The following ZNF268 variants were observed in gnomAD, a reference collection of about 807,000 sequenced individuals.
The protein encoded by ZNF268 is zinc finger protein 268.
In ZNF268, 20 loss-of-function variants were observed where a neutral mutation model predicts 29.3. That is an observed-to-expected ratio of 0.68 (90% CI 0.48 to 0.99). ZNF268 has a LOEUF of 0.99. Among genes scored for constraint, ZNF268 ranks in the 50% least tolerant of loss-of-function variants. The pLI is 0.00. For missense variants in ZNF268, 1,240 were observed against 1,121.6 expected (o/e 1.11, Z -1.51); for synonymous variants, 429 against 376.9 (o/e 1.14, Z -1.60).
In ZNF268 at chr12:133,203,269, A is replaced by G. The variant is rs912456700; in HGVS notation, c.1583A>G (p.His528Arg). 1 of 1,538,692 alleles carries G rather than the reference A, an allele frequency of 6.5e-7. No individual in the cohort carries two copies. The highest frequency in any genetic ancestry group is 1.4e-5 in the African/African-American group (1 of 73,012). ...HTRTHTGEKL[H>R]ECNNCGKAFS... ...AGGACTCATACAGGAGAAAAACTCC[A>G]TGAATGCAACAATTGTGGGAAAGCC... The change falls in exon 6 of 6, where the codon CAT becomes CGT. Residue 528 changes from histidine to arginine, a missense_variant. Physicochemically the swap from His to Arg is conservative, Grantham distance 29 (BLOSUM62 0). Coordinates refer to ENST00000536435, the MANE Select transcript of ZNF268 (RefSeq NM_003415.3).
Position 133,187,881 on chromosome 12 carries a change from C to A in ZNF268, c.43C>A (p.Leu15Ile). ...VRTASIWVPP[L>I]QERNSSWDRI... ...GCTCTTGAGTCCACAGGTCCCACCT[C>A]TCCAAGAACGAAACAGTTCATGGGA... Residue 15 changes from leucine to isoleucine, a missense_variant, in exon 3 of 6, where the codon CTC becomes ATC. Leu to Ile is a conservative substitution (Grantham distance 5). Coordinates refer to ENST00000536435, the MANE Select transcript of ZNF268 (RefSeq NM_003415.3). 1 of 1,593,158 alleles carries A rather than the reference C, an allele frequency of 6.3e-7. No homozygotes were observed. The highest frequency in any genetic ancestry group is 2.3e-5 in the East Asian group (1 of 44,200).
Position 133,202,690 on chromosome 12 carries a change from G to T in ZNF268, c.1004G>T (p.Ser335Ile), listed in dbSNP as rs1378805684. 1 of 1,609,962 alleles carries T rather than the reference G, an allele frequency of 6.2e-7. No homozygotes were observed. The highest frequency in any genetic ancestry group is 1.3e-5 in the African/African-American group (1 of 74,896). The change falls in exon 6 of 6, where the codon AGT becomes ATT. Residue 335 changes from serine (S) to isoleucine (I), a missense_variant. Transcript: ENST00000536435. ...ACAGGAGAGAAACTACATGAATGCA[G>T]TGAATGCAGGAAAACATTCAGTTTC... Reference protein sequence around the residue: ...IHTGEKLHECSECRKTFSFHS... With the variant: ...IHTGEKLHECIECRKTFSFHS...
In ZNF268 at chr12:133,210,639, GCC is replaced by G; in HGVS notation, c.*6111_*6112del. 2.9e-6 allele frequency: 1 copy of G among 349,846 alleles called. No homozygotes were observed. Among genetic ancestry groups the G allele is most frequent in the Admixed American group, 3.7e-5 (1 of 26,704 alleles). 21.7% of individuals were successfully genotyped at this position (349,846 alleles called of 1,614,324 possible). A position where few individuals can be genotyped will look rare whatever the true frequency, so the allele number is the denominator to read the frequency against. ...TAAATTCTGGTCATCACTGTGAAGT[GCC>G]CTCGGGGGTCTCCGGGTCCTGAGTA... On this transcript the variant is annotated 3_prime_UTR_variant, in exon 6 of 6. Transcript: ENST00000536435.
Position 133,203,397 on chromosome 12 carries a change from C to T in ZNF268, c.1711C>T (p.Leu571Phe). The T allele has an allele frequency of 6.5e-7, 1 of 1,546,466 alleles. No individual in the cohort carries two copies. Among genetic ancestry groups the T allele is most frequent in the Non-Finnish European group, 8.7e-7 (1 of 1,150,438 alleles). ...GAAAGCCTTCAGTCGGAAATACCAG[C>T]TTATTTCACACCAGAGAACTCATGC... ...CGKAFSRKYQ[L>F]ISHQRTHAGE... is the part of the protein sequence containing the mutation. Residue 571 changes from leucine (L) to phenylalanine (F), a missense_variant, in exon 6 of 6, where the codon CTT becomes TTT. Physicochemically the swap from Leu to Phe is conservative, Grantham distance 22. Around this residue, in one of 3 missense-constraint regions of ZNF268, gnomAD observed 1,177 missense variants for 1,039.6 expected, o/e 1.13. Transcript: ENST00000536435.
Position 133,204,489 on chromosome 12 carries a change from C to T in ZNF268, c.2803C>T (p.Leu935Phe). ...CGKAFCWKSQ[L>F]IMHQRTHVDD... The stretch of plus-strand genomic sequence containing the variant: ...GAAAGCCTTTTGTTGGAAGTCACAG[C>T]TCATTATGCATCAGAGAACTCATGT... Residue 935 changes from leucine to phenylalanine, a missense_variant, in exon 6 of 6, where the codon CTC becomes TTC. Around this residue, in one of 3 missense-constraint regions of ZNF268, gnomAD observed 1,177 missense variants for 1,039.6 expected, o/e 1.13. Transcript: ENST00000536435. 6.5e-7 allele frequency: 1 copy of T among 1,537,658 alleles called. No homozygotes were observed. Among genetic ancestry groups the T allele is most frequent in the Non-Finnish European group, 8.7e-7 (1 of 1,147,904 alleles).
intron 5 of ZNF268, among the ~76,000 whole-genome samples, chr12:133,196,597 A>G (rs1404667758): frequency 2.6e-5 from 4 of 152,196 alleles, no homozygotes; most frequent in African/African-American, 9.6e-5. Flanking sequence ...TTCAGTATCC[A>G]TGAACTATGA....
At position 133,204,133 on chromosome 12, in the gene ZNF268, C is replaced by A; in HGVS notation, c.2447C>A (p.Ala816Asp). The change falls in exon 6 of 6, where the codon GCC becomes GAC. Residue 816 changes from alanine (A) to aspartate (D), a missense_variant. Physicochemically the swap from Ala to Asp is moderately radical, Grantham distance 126. This residue lies in a region of ZNF268 where 1,177 missense variants were observed against 1,039.6 expected (regional missense o/e 1.13). Coordinates refer to ENST00000536435, the MANE Select transcript of ZNF268 (RefSeq NM_003415.3). ...KPYECNECGK[A>D]FIWKSLLIVH... Reference sequence around the variant, plus strand: ...TATGAATGTAATGAATGTGGGAAAGCCTTCATTTGGAAATCACTACTCATT... The same window carrying A: ...TATGAATGTAATGAATGTGGGAAAGACTTCATTTGGAAATCACTACTCATT... The A allele has an allele frequency of 3.9e-6, 6 of 1,543,942 alleles. No homozygotes were observed. The highest frequency in any genetic ancestry group is 3.6e-5 in the South Asian group (3 of 84,212).
In ZNF268 at chr12:133,204,453, A is replaced by G. The variant is rs1956848540; in HGVS notation, c.2767A>G (p.Thr923Ala). The change falls in exon 6 of 6, where the codon ACT (threonine) becomes GCT (alanine). Residue 923 changes from threonine to alanine, a missense_variant. Thr to Ala is a moderately conservative substitution (Grantham distance 58). Around this residue, in one of 3 missense-constraint regions of ZNF268, gnomAD observed 1,177 missense variants for 1,039.6 expected, o/e 1.13. Transcript: ENST00000536435. ...THTGEKPCKCTECGKAFCWKS... is the reference protein window; with the variant it reads ...THTGEKPCKCAECGKAFCWKS... ...TACAGGAGAGAAGCCTTGTAAGTGC[A>G]CTGAATGTGGGAAAGCCTTTTGTTG... 1 of 1,557,982 alleles carries G rather than the reference A, an allele frequency of 6.4e-7. No individual in the cohort carries two copies. Among genetic ancestry groups the G allele is most frequent in the Non-Finnish European group, 8.6e-7 (1 of 1,157,368 alleles).
intron 3 of ZNF268, among the ~76,000 whole-genome samples, chr12:133,188,766 T>G (rs371603695): frequency 6.6e-6 from 1 of 152,220 alleles, no homozygotes; most frequent in East Asian, 1.9e-4. Flanking sequence ...TTCATGCACA[T>G]TAAAGTTTAA....
chr12:133,184,007 T>C (rs1328454517), intron 2 of ZNF268, among the ~76,000 whole-genome samples: 1 of 152,252 alleles, frequency 6.6e-6, no homozygotes, highest in African/African-American at 2.4e-5. Flanking sequence ...TATCACAGAC[T>C]GAGGAACTTA....
Position 133,212,950 on chromosome 12 carries a change from A to G in ZNF268, c.*8420A>G, listed in dbSNP as rs1185168896. On this transcript the variant is annotated 3_prime_UTR_variant, in exon 6 of 6. Coordinates refer to ENST00000536435, the MANE Select transcript of ZNF268 (RefSeq NM_003415.3). ...CTGCAACCTCCGCCTCCTAGGTTTAAGTGATTCTCCTTCCTCGGCCTCCTG... is the reference window on the plus strand; with the variant it reads ...CTGCAACCTCCGCCTCCTAGGTTTAGGTGATTCTCCTTCCTCGGCCTCCTG... The G allele has an allele frequency of 6.6e-6, 1 of 152,204 alleles. No individual in the cohort carries two copies. The highest frequency in any genetic ancestry group is 1.5e-5 in the Non-Finnish European group (1 of 68,050). 9.4% of individuals were successfully genotyped at this position (152,204 alleles called of 1,614,324 possible). A position where few individuals can be genotyped will look rare whatever the true frequency, so the allele number is the denominator to read the frequency against.
chr12:133,188,430 C>G (rs895164261), intron 3 of ZNF268, among the ~76,000 whole-genome samples: 1 of 152,166 alleles, frequency 6.6e-6, no homozygotes, highest in African/African-American at 2.4e-5. Context: ...CTCCTAAGCT[C>G]AAGCAGTCCT....
rs1437571463 is a variant in ZNF268, at chr12:133,207,928, C to A, written c.*3398C>A. Reference sequence around the variant, plus strand: ...ATAAATCACTTGATGGAATTTAACACCCATAGATGACACTAAAATACTATT... The same window carrying A: ...ATAAATCACTTGATGGAATTTAACAACCATAGATGACACTAAAATACTATT... On this transcript the variant is annotated 3_prime_UTR_variant, in exon 6 of 6. Coordinates refer to ENST00000536435, the MANE Select transcript of ZNF268 (RefSeq NM_003415.3). 6.6e-6 allele frequency: 1 copy of A among 152,120 alleles called. No individual in the cohort carries two copies. The highest frequency in any genetic ancestry group is 1.5e-5 in the Non-Finnish European group (1 of 68,024). 9.4% of individuals were successfully genotyped at this position (152,120 alleles called of 1,614,324 possible).
chr12:133,214,699 A>C lies in ZNF268; in HGVS notation c.*10169A>C, dbSNP rs36154185. ...ATGGAGGATTTCCTTTGGGGTGATG[A>C]AACTATTTTGGAACTAAGAGGTGGT... On this transcript the variant is annotated 3_prime_UTR_variant, in exon 6 of 6. Coordinates refer to ENST00000536435, the MANE Select transcript of ZNF268 (RefSeq NM_003415.3). 99,508 of 152,058 alleles carry C rather than the reference A, an allele frequency of 0.65. 32,989 individuals carry two copies. Among genetic ancestry groups the C allele is most frequent in the East Asian group, 0.91 (4,721 of 5,172 alleles). The allele number at this position is 152,058 out of a possible 1,614,324, so 9.4% of individuals were successfully genotyped here.
intron 5 of ZNF268, chr12:133,193,317 T>G (rs944640419): frequency 1.9e-6 from 1 of 513,760 alleles, no homozygotes. Flanking sequence ...TGGGTGATAG[T>G]GAGATCTCAT....
Position 133,202,254 on chromosome 12 carries a change from C to T in ZNF268, c.568C>T (p.Leu190Phe), listed in dbSNP as rs1347679973. 7 of 1,612,300 alleles carry T rather than the reference C, an allele frequency of 4.3e-6. No individual in the cohort carries two copies. The highest frequency in any genetic ancestry group is 5.9e-6 in the Non-Finnish European group (7 of 1,179,196). Residue 190 changes from leucine to phenylalanine, a missense_variant, in exon 6 of 6, where the codon CTT (leucine) becomes TTT (phenylalanine). Transcript: ENST00000536435. ...CACTACATTTGGAAAACTATGTCTT[C>T]TTAGTACAAAGTATCTTTCAAGACA... Reference protein sequence around the residue: ...ECTTFGKLCLLSTKYLSRQKP... With the variant: ...ECTTFGKLCLFSTKYLSRQKP...
intron 5 of ZNF268, among the ~76,000 whole-genome samples, chr12:133,192,748 C>T (rs1956505914): frequency 6.6e-6 from 1 of 152,028 alleles, no homozygotes; most frequent in African/African-American, 2.4e-5. Flanking sequence ...CGGCTCACTG[C>T]AAGCTCTGCC....
Position 133,202,574 on chromosome 12 carries a change from A to C in ZNF268, c.888A>C (p.Gln296His). The change falls in exon 6 of 6, where the codon CAA becomes CAC. Residue 296 changes from glutamine (Q) to histidine (H), a missense_variant. Coordinates refer to ENST00000536435, the MANE Select transcript of ZNF268 (RefSeq NM_003415.3). The part of the protein sequence containing the change: ...SSKSYLLVHQ[Q>H]THAEEKPYGC... ...AGTCATACCTTCTAGTGCATCAGCA[A>C]ACTCATGCCGAAGAGAAACCCTATG... is the stretch of plus-strand genomic sequence containing the variant. 1 of 1,609,488 alleles carries C rather than the reference A, an allele frequency of 6.2e-7. No homozygotes were observed. Among genetic ancestry groups the C allele is most frequent in the Non-Finnish European group, 8.5e-7 (1 of 1,177,588 alleles).
Position 133,191,625 on chromosome 12 carries a change from G to A in ZNF268, c.361+10G>A. ...AACCTGGTGTCCCTAGGTAAGTGCT[G>A]CCTCCCTGAGGAGGAGTGTGCTCGA... On this transcript the variant is annotated intron_variant, in intron 4 of 5. Coordinates refer to ENST00000536435, the MANE Select transcript of ZNF268 (RefSeq NM_003415.3). 1 of 1,613,518 alleles carries A rather than the reference G, an allele frequency of 6.2e-7. No individual in the cohort carries two copies. The highest frequency in any genetic ancestry group is 8.5e-7 in the Non-Finnish European group (1 of 1,179,682).
Sources: gnomAD v4.1 joint callset for allele counts (sites outside exome capture counted in the v4.1 genomes callset) on GRCh38, gnomAD v4.1.1 for gene constraint, gnomAD v4.1.1 regional missense constraint, MANE v1.5 for transcripts, NCBI Gene and HGNC (gene_info 2026-07-23, HGNC 2026-07-21) for gene names.